Variants in MYO3B observed in about 807,000 individuals in gnomAD.
MYO3B encodes myosin IIIB.
Under a neutral mutation model 174.6 loss-of-function variants are expected in MYO3B, and 156 were observed. That is an observed-to-expected ratio of 0.89 (90% CI 0.78 to 1.02). The LOEUF (loss-of-function observed/expected upper bound fraction) is 1.02. Ranked by LOEUF, MYO3B falls within the 50% of genes least tolerant of loss-of-function variation. The probability of loss-of-function intolerance (pLI) is 0.00; values close to 1 mark genes in which losing one functional copy is unlikely to be tolerated. For missense variants in MYO3B, 1,632 were observed against 1,639.4 expected, an observed-to-expected ratio of 1.00 and a Z score of 0.08; for synonymous variants, 563 against 569.1, an observed-to-expected ratio of 0.99 and a Z score of 0.15.
rs1356449773 is a variant in MYO3B at position 170,409,056 on chromosome 2, C to T, written c.2650+1212C>T. ...CTTCAGCACAGAGGTGAAGAGACAG[C>T]CATTATTGATAGGGGACATGCTCTC... On this transcript the variant is annotated intron_variant, in intron 22 of 34. Coordinates refer to ENST00000408978, the MANE Select transcript of MYO3B (RefSeq NM_138995.5). Among the ~76,000 whole-genome samples the T allele has an allele frequency of 3.3e-5, 5 of 152,158 alleles. No homozygotes were observed. In the East Asian group the frequency reaches 9.6e-4, roughly 29 times the overall value.
chr2:170,404,383 C>T lies in MYO3B; in HGVS notation c.2414C>T (p.Thr805Ile), dbSNP rs200956524. 1.9e-5 allele frequency: 31 copies of T among 1,611,672 alleles called. No individual in the cohort carries two copies. Among genetic ancestry groups the T allele is most frequent in the Middle Eastern group, 1.6e-4 (1 of 6,066 alleles). ...LDEESRFPQA[T>I]DQTLVDKFED... Reference sequence around the variant, plus strand: ...GAGGAAAGTCGGTTTCCCCAAGCAACTGACCAGACCCTGGTTGGTAGGTAA... The same window carrying T: ...GAGGAAAGTCGGTTTCCCCAAGCAATTGACCAGACCCTGGTTGGTAGGTAA... Residue 805 changes from threonine (T) to isoleucine (I), a missense_variant, in exon 20 of 35, where the codon ACT (threonine) becomes ATT (isoleucine). Coordinates refer to ENST00000408978, the MANE Select transcript of MYO3B (RefSeq NM_138995.5).
chr2:170,361,814 T>G (rs1188259341), intron 8 of MYO3B, among the ~76,000 whole-genome samples: 1 of 152,190 alleles, frequency 6.6e-6, no homozygotes, highest in Non-Finnish European at 1.5e-5. Flanking sequence ...TATAGTATAG[T>G]CTCCTTTCCT....
At chr2:170,245,680 A>G (rs1471183497) in intron 7 of MYO3B, among the ~76,000 whole-genome samples, 1 of 152,150 alleles carries the variant, frequency 6.6e-6, no homozygotes. Context: ...GGCTTATGTA[A>G]AGTTTTCTTA....
chr2:170,208,559 C>G (rs2092738360), intron 3 of MYO3B, among the ~76,000 whole-genome samples: 2 of 152,164 alleles, frequency 1.3e-5, no homozygotes, highest in African/African-American at 2.4e-5. Context: ...TCACCTATCC[C>G]TTTTATTCTT....
At chr2:170,471,545 T>C (rs1291364284) in intron 25 of MYO3B, among the ~76,000 whole-genome samples, 1 of 152,234 alleles carries the variant, frequency 6.6e-6, no homozygotes, top group Non-Finnish European at 1.5e-5. Context: ...ATATTTTAGA[T>C]CTATGGTCCA....
intron 1 of MYO3B, among the ~76,000 whole-genome samples, chr2:170,187,007 T>A (rs954130263): frequency 7.7e-6 from 1 of 129,886 alleles, no homozygotes; most frequent in Admixed American, 8.7e-5. Context: ...TGAGTTGTCT[T>A]TTTTTTTTTT....
chr2:170,532,709 G>A (rs978148442), intron 30 of MYO3B, among the ~76,000 whole-genome samples: 3 of 151,808 alleles, frequency 2.0e-5, no homozygotes, highest in Non-Finnish European at 2.9e-5. Flanking sequence ...CCAGCTACTC[G>A]GGAGGCTGAG....
At position 170,521,563 on chromosome 2, in the gene MYO3B, GTCCT is replaced by G. The variant is rs1688670209; in HGVS notation, c.3575+2033_3575+2036del. 3.9e-5 allele frequency among the ~76,000 whole-genome samples: 6 copies of G among 152,190 alleles called. No individual in the cohort carries two copies. In the South Asian group the frequency reaches 1.2e-3, roughly 32 times the overall value. ...TTAGAATCTCTCCTTATCTTCGGCTGTCCTTCCTTCCTTTGCTCCCATCTCACAG... is the reference window on the plus strand; with the variant it reads ...TTAGAATCTCTCCTTATCTTCGGCTGTCCTTCCTTTGCTCCCATCTCACAG... On this transcript the variant is annotated intron_variant, in intron 30 of 34. Coordinates refer to ENST00000408978, the MANE Select transcript of MYO3B (RefSeq NM_138995.5).
At chr2:170,347,340 A>G (rs978430956) in intron 8 of MYO3B, among the ~76,000 whole-genome samples, 7 of 152,136 alleles carry the variant, frequency 4.6e-5, no homozygotes, top group African/African-American at 9.7e-5. Context: ...TGTGGATCAC[A>G]TCTGTAATCC....
At chr2:170,600,133 G>T (rs6736223) in intron 32 of MYO3B, among the ~76,000 whole-genome samples, 102,554 of 132,540 alleles carry the variant, frequency 0.77, 37,124 homozygotes, top group East Asian at 0.95. Flanking sequence ...TGTTGTTGTT[G>T]TTTTTTTTTA....
At chr2:170,602,230 T>A in intron 32 of MYO3B, 2 of 1,029,684 alleles carry the variant, frequency 1.9e-6, no homozygotes, top group South Asian at 1.3e-5. Flanking sequence ...TTTGCCCATG[T>A]TGAGTTATTT....
chr2:170,434,328 A>C (rs999096970), intron 22 of MYO3B, among the ~76,000 whole-genome samples: 1 of 152,160 alleles, frequency 6.6e-6, no homozygotes, highest in Non-Finnish European at 1.5e-5. Flanking sequence ...CAAAAGGAAT[A>C]GCACTCGAAT....
At chr2:170,565,924 A>G (rs140315536) in intron 32 of MYO3B, among the ~76,000 whole-genome samples, 78 of 152,324 alleles carry the variant, frequency 5.1e-4, no homozygotes, top group African/African-American at 1.6e-3. Context: ...CTCAGGCCCT[A>G]CTGAGAGAGG....
chr2:170,406,760 C>T (rs2094511919), intron 21 of MYO3B, among the ~76,000 whole-genome samples: 1 of 151,934 alleles, frequency 6.6e-6, no homozygotes, highest in African/African-American at 2.4e-5. Flanking sequence ...CCTCTGTGTC[C>T]TTTGCTGCAT....
intron 32 of MYO3B, among the ~76,000 whole-genome samples, chr2:170,625,341 A>G (rs1269979618): frequency 1.3e-5 from 2 of 152,156 alleles, no homozygotes; most frequent in Non-Finnish European, 2.9e-5. Context: ...TAGATTTTCT[A>G]GTTTATTTGC....
chr2:170,653,040 C>CT lies in MYO3B; in HGVS notation c.3946dup (p.Cys1316LeufsTer4). On this transcript the variant is annotated frameshift_variant, in exon 35 of 35. Transcript: ENST00000408978. LOFTEE classifies it high-confidence loss of function. ...ATTACAAATCTCTGTCACCAGTGGA[C>CT]TGTATCCCTGAGGAGAACAACTCAG... 1.2e-6 allele frequency: 2 copies of CT among 1,614,148 alleles called. No homozygotes were observed. Among genetic ancestry groups the CT allele is most frequent in the Non-Finnish European group, 1.7e-6 (2 of 1,179,970 alleles).
intron 21 of MYO3B, among the ~76,000 whole-genome samples, chr2:170,406,678 G>A (rs577115350): frequency 1.6e-4 from 5 of 31,614 alleles, no homozygotes; most frequent in South Asian, 9.8e-4. Context: ...CTACCCACCC[G>A]TCTTCTTGAC....
At chr2:170,235,868 C>A in intron 6 of MYO3B, 123 bp from the exon 7 acceptor site, 1 of 1,139,934 alleles carries the variant, frequency 8.8e-7, no homozygotes, top group Non-Finnish European at 1.3e-6. Context: ...CATCTTATTA[C>A]TGGAATTCAA....
At position 170,655,013 on chromosome 2, in the gene MYO3B, G is replaced by A. The variant is rs1025612821; in HGVS notation, c.*1892G>A. 4 of 152,084 alleles carry A rather than the reference G, an allele frequency of 2.6e-5. No individual in the cohort carries two copies. The highest frequency in any genetic ancestry group is 9.7e-5 in the African/African-American group (4 of 41,426). 9.4% of individuals were successfully genotyped at this position (152,084 alleles called of 1,614,324 possible). A position where few individuals can be genotyped will look rare whatever the true frequency, so the allele number is the denominator to read the frequency against. ...TTTTGGAAGTTTCACTTTTGTCACT[G>A]ATTGTCTACTTTTGGTTTGATAATA... On this transcript the variant is annotated 3_prime_UTR_variant, in exon 35 of 35. Coordinates refer to ENST00000408978, the MANE Select transcript of MYO3B (RefSeq NM_138995.5).
Sources: gnomAD v4.1 joint callset for allele counts (sites outside exome capture counted in the v4.1 genomes callset) on GRCh38, gnomAD v4.1.1 for gene constraint, MANE v1.5 for transcripts, NCBI Gene and HGNC (gene_info 2026-07-23, HGNC 2026-07-21) for gene names.